The following ETV6 variants were observed in gnomAD, a reference collection of about 807,000 sequenced individuals.
ETV6 encodes ETS variant transcription factor 6.
In ETV6, 16 loss-of-function variants were observed where a neutral mutation model predicts 51.1. That is an observed-to-expected ratio of 0.31 (90% CI 0.21 to 0.48). The LOEUF (loss-of-function observed/expected upper bound fraction) is 0.48, where lower values mean the gene tolerates loss of function less well. ETV6 is among the 20% of genes least tolerant of loss of function. ETV6 has a pLI of 0.99. For synonymous variants in ETV6, 240 were observed against 224.1 expected (o/e 1.07, Z -0.64); for missense variants, 458 against 594.8 (o/e 0.77, Z 2.39).
At chr12:11,855,237 T>C (rs1161129465) in intron 4 of ETV6, among the ~76,000 whole-genome samples, 1 of 149,070 alleles carries the variant, frequency 6.7e-6, no homozygotes, top group Non-Finnish European at 1.5e-5. Context: ...ACCCGGGAGG[T>C]GGAGATTGCA....
chr12:11,747,963 G>A (rs1369464314), intron 1 of ETV6, among the ~76,000 whole-genome samples: 1 of 152,202 alleles, frequency 6.6e-6, no homozygotes, highest in African/African-American at 2.4e-5. Flanking sequence ...GGTTTCTTCT[G>A]TTGAATCTGT....
chr12:11,723,694 T>C (rs537068266), intron 1 of ETV6, among the ~76,000 whole-genome samples: 1 of 152,054 alleles, frequency 6.6e-6, no homozygotes, highest in East Asian at 1.9e-4. Context: ...TCCTTTGTCC[T>C]ATCCTGGCCT....
chr12:11,832,631 C>T (rs1329269433), intron 2 of ETV6, among the ~76,000 whole-genome samples: 1 of 152,220 alleles, frequency 6.6e-6, no homozygotes, highest in Non-Finnish European at 1.5e-5. Context: ...AAGACATTAT[C>T]ACTTTGGAGC....
At chr12:11,871,242 G>A (rs969644923) in intron 5 of ETV6, among the ~76,000 whole-genome samples, 2 of 147,098 alleles carry the variant, frequency 1.4e-5, no homozygotes, top group Non-Finnish European at 3.0e-5. Flanking sequence ...AGGCTGGAGT[G>A]CAGTGACGGA....
rs550705847 is a variant in ETV6, at chr12:11,853,782, A to G, written c.463+221A>G. ...TACACAGAAGCACAGAAGCGTAACC[A>G]TATAGTAGGCACCGTAAAGGTGTGG... On this transcript the variant is annotated intron_variant, in intron 4 of 7. Coordinates refer to ENST00000396373, the MANE Select transcript of ETV6 (RefSeq NM_001987.5). 2.0e-5 allele frequency among the ~76,000 whole-genome samples: 3 copies of G among 152,336 alleles called. No individual in the cohort carries two copies. The East Asian group carries it at 5.8e-4, about 29-fold the overall frequency.
chr12:11,735,578 A>T (rs757055979), intron 1 of ETV6, among the ~76,000 whole-genome samples: 4 of 152,136 alleles, frequency 2.6e-5, no homozygotes, highest in Non-Finnish European at 4.4e-5. Flanking sequence ...CTGGCTTGTC[A>T]CTTACGATGA....
At chr12:11,686,087 C>A (rs1864623010) in intron 1 of ETV6, among the ~76,000 whole-genome samples, 1 of 152,198 alleles carries the variant, frequency 6.6e-6, no homozygotes, top group Non-Finnish European at 1.5e-5. Flanking sequence ...CCAGAAAATT[C>A]TATCACTCTT....
intron 1 of ETV6, among the ~76,000 whole-genome samples, chr12:11,722,911 C>G (rs1190702070): frequency 6.6e-6 from 1 of 152,218 alleles, no homozygotes; most frequent in Non-Finnish European, 1.5e-5. Flanking sequence ...CTGGGCCGTT[C>G]TCTCAGAGTT....
At chr12:11,809,860 C>G (rs1431545481) in intron 2 of ETV6, among the ~76,000 whole-genome samples, 1 of 140,048 alleles carries the variant, frequency 7.1e-6, no homozygotes, top group Admixed American at 7.7e-5. Context: ...TGCTGTGTCA[C>G]CCAGGCTGGA....
chr12:11,863,450 A>T (rs1486519174), intron 4 of ETV6, among the ~76,000 whole-genome samples: 14 of 152,216 alleles, frequency 9.2e-5, no homozygotes, highest in African/African-American at 3.4e-4. Context: ...GTTCCCTGCC[A>T]GTCCTTGGTC....
At chr12:11,669,961 T>C (rs994162913) in intron 1 of ETV6, among the ~76,000 whole-genome samples, 7 of 150,966 alleles carry the variant, frequency 4.6e-5, no homozygotes, top group African/African-American at 1.7e-4. Context: ...CTTCACACCA[T>C]CTTCTTGCCC....
intron 3 of ETV6, among the ~76,000 whole-genome samples, chr12:11,851,648 A>G (rs1318272600): frequency 1.3e-5 from 2 of 152,184 alleles, no homozygotes; most frequent in African/African-American, 4.8e-5. Context: ...CCTTTTAATA[A>G]AATGCCCAAG....
intron 1 of ETV6, among the ~76,000 whole-genome samples, chr12:11,746,319 C>T (rs1474442037): frequency 6.6e-6 from 1 of 152,234 alleles, no homozygotes; most frequent in Non-Finnish European, 1.5e-5. Flanking sequence ...ACCAGCCACA[C>T]CATCTCCCAA....
At chr12:11,737,073 G>A (rs998761340) in intron 1 of ETV6, among the ~76,000 whole-genome samples, 7 of 152,168 alleles carry the variant, frequency 4.6e-5, no homozygotes, top group Non-Finnish European at 1.0e-4. Flanking sequence ...GGGGGTCTGA[G>A]AGGTGGATGA....
chr12:11,751,300 T>G, intron 1 of ETV6: 1 of 517,972 alleles, frequency 1.9e-6, no homozygotes, highest in Non-Finnish European at 3.9e-6. Flanking sequence ...ACGTAAACAC[T>G]GCCTTCCCTT....
chr12:11,827,806 C>T (rs983937481), intron 2 of ETV6, among the ~76,000 whole-genome samples: 1 of 152,122 alleles, frequency 6.6e-6, no homozygotes, highest in African/African-American at 2.4e-5. Context: ...GCAGACTGTG[C>T]CGGGCACCAG....
chr12:11,886,623 C>T (rs768795395), intron 7 of ETV6, among the ~76,000 whole-genome samples: 3 of 152,086 alleles, frequency 2.0e-5, no homozygotes, highest in Admixed American at 6.6e-5. Flanking sequence ...TATAATGCAT[C>T]GTAGTCAGAA....
At chr12:11,685,670 T>C (rs1193336763) in intron 1 of ETV6, among the ~76,000 whole-genome samples, 1 of 152,156 alleles carries the variant, frequency 6.6e-6, no homozygotes, top group Non-Finnish European at 1.5e-5. Flanking sequence ...AGAGGATGCA[T>C]AGAGAAGATG....
chr12:11,726,112 A>G lies in ETV6; in HGVS notation c.34-26338A>G, dbSNP rs117924088. On this transcript the variant is annotated intron_variant, in intron 1 of 7. Transcript: ENST00000396373. ...CCACAGTGCCTCTTATATTTGGCCT[A>G]TAGTACATACTAAAGAAATGTTTAT... Among the ~76,000 whole-genome samples, 993 of 152,346 alleles carry G rather than the reference A, an allele frequency of 6.5e-3. 5 individuals carry two copies. Among genetic ancestry groups the G allele is most frequent in the Middle Eastern group, 0.01 (3 of 294 alleles).
Sources: gnomAD v4.1 joint callset for allele counts (sites outside exome capture counted in the v4.1 genomes callset) on GRCh38, gnomAD v4.1.1 for gene constraint, MANE v1.5 for transcripts, NCBI Gene and HGNC (gene_info 2026-07-23, HGNC 2026-07-21) for gene names.